SLC22A24: variants seen among roughly 807,000 people sequenced by gnomAD.
SLC22A24 encodes the protein solute carrier family 22 member 24, also known as steroid transmembrane transporter SLC22A24.
SLC22A24 carries 53 observed loss-of-function variants against 49.8 expected under a neutral mutation model. The ratio of observed to expected loss-of-function variants is 1.06; its 90% CI spans 0.85 to 1.34. The LOEUF is 1.34. SLC22A24 is among the 40% of genes most tolerant of loss of function. SLC22A24 has a pLI of 0.00. For synonymous variants in SLC22A24, 302 were observed against 256.4 expected (o/e 1.18, Z -1.70); for missense variants, 786 against 675.9 (o/e 1.16, Z -1.81).
rs1374739052 is a variant in SLC22A24, at chr11:63,119,186, A to G, written c.656T>C (p.Ile219Thr). 1.3e-6 allele frequency: 2 copies of G among 1,541,324 alleles called. No homozygotes were observed. Among genetic ancestry groups the G allele is most frequent in the Non-Finnish European group, 1.7e-6 (2 of 1,143,606 alleles). ...TGCTCAAATTATTGACTTACTGAGAATAAAAGTGTTTCCCAAAATAGTCAT... is the reference window on the plus strand; with the variant it reads ...TGCTCAAATTATTGACTTACTGAGAGTAAAAGTGTTTCCCAAAATAGTCAT... ...STMTILGNTFILSLEWTLPRS... is the reference protein window; with the variant it reads ...STMTILGNTFTLSLEWTLPRS... Residue 219 changes from isoleucine (I) to threonine (T), a missense_variant, in exon 3 of 10, where the codon ATT becomes ACT. Physicochemically the swap from Ile to Thr is moderately conservative, Grantham distance 89 (BLOSUM62 -1). Coordinates refer to ENST00000612278, the MANE Select transcript of SLC22A24 (RefSeq NM_001136506.2).
intron 6 of SLC22A24, among the ~76,000 whole-genome samples, chr11:63,095,380 T>A (rs1333516564): frequency 2.0e-5 from 3 of 152,014 alleles, no homozygotes; most frequent in Non-Finnish European, 4.4e-5. Flanking sequence ...TAAGAGAAAA[T>A]GACCTACAAT....
At chr11:63,098,074 C>A (rs964470505) in intron 5 of SLC22A24, among the ~76,000 whole-genome samples, 4 of 152,136 alleles carry the variant, frequency 2.6e-5, no homozygotes, top group African/African-American at 7.2e-5. Flanking sequence ...TATTTCAGAA[C>A]TTAAATTATA....
In SLC22A24 at chr11:63,113,227, T is replaced by C. The variant is rs867823007; in HGVS notation, c.830+5685A>G. Among the ~76,000 whole-genome samples, 20 of 75,554 alleles carry C rather than the reference T, an allele frequency of 2.6e-4. 5 individuals are homozygous for C. The highest frequency in any genetic ancestry group is 6.4e-4 in the East Asian group (2 of 3,114). 49.6% of individuals were successfully genotyped at this position (75,554 alleles called of 152,430 possible). A position where few individuals can be genotyped will look rare whatever the true frequency, so the allele number is the denominator to read the frequency against. On this transcript the variant is annotated intron_variant, in intron 4 of 9. Coordinates refer to ENST00000612278, the MANE Select transcript of SLC22A24 (RefSeq NM_001136506.2). ...ACATATATATACACATATATATATA[T>C]ACATATATATATATATACACACATA...
At chr11:63,123,184 G>A (rs1406951355) in intron 2 of SLC22A24, among the ~76,000 whole-genome samples, 1 of 151,816 alleles carries the variant, frequency 6.6e-6, no homozygotes, top group Non-Finnish European at 1.5e-5. Flanking sequence ...AAAGAATGAG[G>A]GCACAGTTGT....
intron 6 of SLC22A24, among the ~76,000 whole-genome samples, chr11:63,087,890 G>A (rs916295314): frequency 6.6e-6 from 1 of 152,162 alleles, no homozygotes; most frequent in Admixed American, 6.5e-5. Flanking sequence ...CATCTCTGAA[G>A]GAAAGGCAAC....
intron 6 of SLC22A24, 129 bp from the exon 7 acceptor site, chr11:63,083,586 C>T: frequency 4.2e-6 from 3 of 714,840 alleles, no homozygotes; most frequent in South Asian, 4.0e-5. Context: ...GGTGTTTTTC[C>T]TTTTAAAAAA....
chr11:63,108,923 G>A (rs2087141663), intron 4 of SLC22A24, among the ~76,000 whole-genome samples: 1 of 144,198 alleles, frequency 6.9e-6, no homozygotes, highest in Non-Finnish European at 1.5e-5. Flanking sequence ...GTATACATGT[G>A]CCATGCTGGT....
intron 1 of SLC22A24, among the ~76,000 whole-genome samples, chr11:63,135,341 G>T (rs1266954783): frequency 1.3e-5 from 2 of 152,172 alleles, no homozygotes; most frequent in African/African-American, 4.8e-5. Flanking sequence ...CAGAGGTTCT[G>T]ATTTACTTAC....
chr11:63,098,656 C>A (rs2087070274), intron 5 of SLC22A24, among the ~76,000 whole-genome samples: 1 of 151,636 alleles, frequency 6.6e-6, no homozygotes. Flanking sequence ...GAGTGAGACT[C>A]CATCTCAAAA....
intron 1 of SLC22A24, 109 bp from the exon 2 acceptor site, chr11:63,134,877 G>T: frequency 7.5e-6 from 5 of 668,684 alleles, no homozygotes; most frequent in Non-Finnish European, 1.3e-5. Context: ...CTGCTAGGCA[G>T]GTCCTGCCTC....
chr11:63,101,659 T>C (rs1359246452), intron 5 of SLC22A24, among the ~76,000 whole-genome samples: 1 of 152,006 alleles, frequency 6.6e-6, no homozygotes, highest in East Asian at 1.9e-4. Flanking sequence ...TGCAGCAACA[T>C]TCACAATAGC....
chr11:63,143,427 TC>T lies in SLC22A24; in HGVS notation c.352del (p.Asp118MetfsTer15). 1 of 1,538,740 alleles carries T rather than the reference TC, an allele frequency of 6.5e-7. No homozygotes were observed. On this transcript the variant is annotated frameshift_variant, in exon 1 of 10. Coordinates refer to ENST00000612278, the MANE Select transcript of SLC22A24 (RefSeq NM_001136506.2). LOFTEE classifies it high-confidence loss of function. ...TNEPDTEPCV[D>X]GWVYDRSSFL... ...AGAGCTTCTGTCGTACACCCAGCCA[TC>T]CACACAGGGCTCCGTGTCTGGCTCA...
intron 6 of SLC22A24, among the ~76,000 whole-genome samples, chr11:63,094,764 CT>C (rs2087042685): frequency 6.6e-6 from 1 of 152,176 alleles, no homozygotes; most frequent in Admixed American, 6.5e-5. Context: ...TGTCTTTTGG[CT>C]GCATAAATGT....
At position 63,110,755 on chromosome 11, in the gene SLC22A24, C is replaced by G. The variant is rs556274182; in HGVS notation, c.831-6457G>C. ...AGCTTAAGGAGATTTTGGGCTGAGA[C>G]GATGGGGTTTTCTAGATATACAATC... On this transcript the variant is annotated intron_variant, in intron 4 of 9. Coordinates refer to ENST00000612278, the MANE Select transcript of SLC22A24 (RefSeq NM_001136506.2). Among the ~76,000 whole-genome samples the G allele has an allele frequency of 2.2e-5, 3 of 136,046 alleles. No individual in the cohort carries two copies. The South Asian group carries it at 7.9e-4, about 36-fold the overall frequency. 89.3% of individuals were successfully genotyped at this position (136,046 alleles called of 152,430 possible).
intron 4 of SLC22A24, among the ~76,000 whole-genome samples, chr11:63,106,002 A>G (rs1189066958): frequency 4.6e-5 from 7 of 152,018 alleles, no homozygotes; most frequent in Non-Finnish European, 7.4e-5. Context: ...ACATATGTAT[A>G]CATGTGCCAT....
rs541432317 is a variant in SLC22A24 at position 63,134,808 on chromosome 11, A to G, written c.403-40T>C. 2.8e-4 allele frequency: 396 copies of G among 1,390,354 alleles called. 2 individuals are homozygous for G. The highest frequency in any genetic ancestry group is 3.6e-4 in the Non-Finnish European group (359 of 1,000,280). The allele number at this position is 1,390,354 out of a possible 1,614,324, so 86.1% of individuals were successfully genotyped here. A position where few individuals can be genotyped will look rare whatever the true frequency, so the allele number is the denominator to read the frequency against. On this transcript the variant is annotated intron_variant, in intron 1 of 9. Transcript: ENST00000612278. ...AAGCAGTACAGCAGAGCTTGAGAAG[A>G]GTTTCAACTCTTTAGTAGAAACTGA... is the stretch of plus-strand genomic sequence containing the variant.
chr11:63,081,169 C>T lies in SLC22A24; in HGVS notation c.1395-46G>A, dbSNP rs777186613. The stretch of plus-strand genomic sequence containing the variant: ...ACAAAAAATCTTGTATGAATCTGTA[C>T]ATGTCAGCTCTTTATCATCATTATT... On this transcript the variant is annotated intron_variant, in intron 8 of 9. Transcript: ENST00000612278. 8.3e-6 allele frequency: 12 copies of T among 1,451,610 alleles called. No individual in the cohort carries two copies. In the South Asian group the frequency reaches 1.3e-4, roughly 16 times the overall value. The allele number at this position is 1,451,610 out of a possible 1,614,324, so 89.9% of individuals were successfully genotyped here. A position where few individuals can be genotyped will look rare whatever the true frequency, so the allele number is the denominator to read the frequency against.
At chr11:63,111,435 T>A (rs2087164046) in intron 4 of SLC22A24, among the ~76,000 whole-genome samples, 1 of 151,906 alleles carries the variant, frequency 6.6e-6, no homozygotes, top group African/African-American at 2.4e-5. Flanking sequence ...TACCAGTTCC[T>A]CCTTGTACCT....
At chr11:63,104,083 T>C in intron 5 of SLC22A24, 92 bp downstream of exon 5, 1 of 1,348,940 alleles carries the variant, frequency 7.4e-7, no homozygotes, top group Non-Finnish European at 1.0e-6. Flanking sequence ...CTCACAGAAG[T>C]CTAATTCTGT....
Sources: allele counts gnomAD v4.1 joint callset (sites outside exome capture counted in the v4.1 genomes callset), GRCh38; gene constraint gnomAD v4.1.1; transcripts MANE v1.5; gene names NCBI Gene and HGNC (gene_info 2026-07-23, HGNC 2026-07-21).